The following RUFY1 variants were observed in gnomAD, a reference collection of about 807,000 sequenced individuals.
RUFY1 encodes the protein RUN and FYVE domain-containing protein 1.
A neutral mutation model predicts 94.6 loss-of-function variants in RUFY1; 54 were observed. That is an observed-to-expected ratio of 0.57 (90% CI 0.46 to 0.72). The LOEUF (loss-of-function observed/expected upper bound fraction) is 0.72. RUFY1 is among the 30% of genes least tolerant of loss of function. The pLI, the probability that RUFY1 is intolerant of heterozygous loss-of-function variation, is 0.00. For missense variants in RUFY1, 883 were observed against 883.9 expected (o/e 1.00, Z 0.01); for synonymous variants, 396 against 347.3 (o/e 1.14, Z -1.56).
In RUFY1 at chr5:179,593,483, G is replaced by A; in HGVS notation, c.1251G>A (p.Leu417=). 1 of 1,591,940 alleles carries A rather than the reference G, an allele frequency of 6.3e-7. No homozygotes were observed. Among genetic ancestry groups the A allele is most frequent in the Non-Finnish European group, 8.6e-7 (1 of 1,159,836 alleles). The change falls in exon 11 of 18, where the codon CTG becomes CTA. Residue 417 remains leucine, a synonymous_variant. Coordinates refer to ENST00000319449, the MANE Select transcript of RUFY1 (RefSeq NM_025158.5). Reference sequence around the variant, plus strand: ...CTTGTAAATATCCTTTTAAGGAACTGGAAAAAGAACTGGAGTTACAAATTG... The same window carrying A: ...CTTGTAAATATCCTTTTAAGGAACTAGAAAAAGAACTGGAGTTACAAATTG... ...LKEEKKVRLE[L]EKELELQIGM... is the part of the protein sequence containing the mutation.
intron 4 of RUFY1, chr5:179,569,099 C>G: frequency 2.0e-6 from 2 of 980,764 alleles, no homozygotes; most frequent in Non-Finnish European, 2.4e-6. Context: ...AGAGGCGAGC[C>G]CATTCTAAGC....
In RUFY1 at chr5:179,569,320, G is replaced by A; in HGVS notation, c.723G>A (p.Glu241=). ...KHLLSEFYEP[E]ALMMEEEGMV... Reference sequence around the variant, plus strand: ...CTTTCAGCGAGTTCTATGAGCCTGAGGCTTTAATGATGGAGGAAGAAGGGA... The same window carrying A: ...CTTTCAGCGAGTTCTATGAGCCTGAAGCTTTAATGATGGAGGAAGAAGGGA... Residue 241 remains glutamate (E), a synonymous_variant, in exon 5 of 18, where the codon GAG becomes GAA. Transcript: ENST00000319449. The A allele has an allele frequency of 6.2e-7, 1 of 1,613,908 alleles. No individual in the cohort carries two copies. The highest frequency in any genetic ancestry group is 8.5e-7 in the Non-Finnish European group (1 of 1,180,010).
rs959661121 is a variant in RUFY1, at chr5:179,580,341, C to G, written c.891-606C>G. Among the ~76,000 whole-genome samples the G allele has an allele frequency of 3.3e-5, 5 of 151,164 alleles. 1 individual carries two copies. Among genetic ancestry groups the G allele is most frequent in the Middle Eastern group, 3.4e-3 (1 of 292 alleles). On this transcript the variant is annotated intron_variant, in intron 6 of 17. Coordinates refer to ENST00000319449, the MANE Select transcript of RUFY1 (RefSeq NM_025158.5). Reference sequence around the variant, plus strand: ...CACTGCAAGCTCCGCCTCCCGGGTTCACGCCATTCTCCTGCCTCAGCCTCC... The same window carrying G: ...CACTGCAAGCTCCGCCTCCCGGGTTGACGCCATTCTCCTGCCTCAGCCTCC...
chr5:179,577,573 C>T (rs1344818058), intron 6 of RUFY1, among the ~76,000 whole-genome samples: 2 of 105,566 alleles, frequency 1.9e-5, no homozygotes, highest in African/African-American at 7.1e-5. Context: ...CGAGGCCGGG[C>T]GTGGTGGGGC....
intron 9 of RUFY1, 49 bp downstream of exon 9, chr5:179,589,696 C>T (rs1164512567): frequency 7.6e-7 from 1 of 1,317,690 alleles, no homozygotes; most frequent in Admixed American, 1.7e-5. Context: ...CTCAGACACA[C>T]CTATTGTCAA....
chr5:179,595,982 C>T (rs899493639), intron 12 of RUFY1: 15 of 155,880 alleles, frequency 9.6e-5, no homozygotes, highest in South Asian at 1.9e-4. Context: ...AGCTAAACGT[C>T]CTCTTACCAT....
chr5:179,550,759 G>T lies in RUFY1; in HGVS notation c.190G>T (p.Ala64Ser). 7.0e-7 allele frequency: 1 copy of T among 1,432,202 alleles called. No individual in the cohort carries two copies. Among genetic ancestry groups the T allele is most frequent in the Non-Finnish European group, 9.2e-7 (1 of 1,091,276 alleles). The allele number at this position is 1,432,202 out of a possible 1,614,324, so 88.7% of individuals were successfully genotyped here. ...TRPRAAEGWS[A>S]PILTLARRAT... ...GCCGCGGGCGGCCGAGGGCTGGTCGGCGCCCATCCTGACCCTGGCACGCAG... is the reference window on the plus strand; with the variant it reads ...GCCGCGGGCGGCCGAGGGCTGGTCGTCGCCCATCCTGACCCTGGCACGCAG... Residue 64 changes from alanine to serine, a missense_variant, in exon 1 of 18, where the codon GCG becomes TCG. Coordinates refer to ENST00000319449, the MANE Select transcript of RUFY1 (RefSeq NM_025158.5).
At chr5:179,559,794 G>C in intron 1 of RUFY1, 3 of 1,283,838 alleles carry the variant, frequency 2.3e-6, no homozygotes, top group Non-Finnish European at 3.0e-6. Flanking sequence ...CTCTGGAGCA[G>C]GAGGCCCAGT....
At chr5:179,583,964 G>C (rs868524676) in intron 7 of RUFY1, among the ~76,000 whole-genome samples, 1 of 151,536 alleles carries the variant, frequency 6.6e-6, no homozygotes, top group Non-Finnish European at 1.5e-5. Flanking sequence ...TAGCCAGGAT[G>C]GTCTCGATCT....
intron 7 of RUFY1, 132 bp from the exon 8 acceptor site, chr5:179,585,661 TCTC>T (rs951131548): frequency 1.4e-5 from 9 of 649,700 alleles, no homozygotes; most frequent in Middle Eastern, 4.2e-4. Context: ...ATTCTCATCT[TCTC>T]TGAGTTAATT....
chr5:179,575,029 C>T, intron 5 of RUFY1, among the ~76,000 whole-genome samples: 1 of 117,534 alleles, frequency 8.5e-6, no homozygotes, highest in African/African-American at 3.2e-5. Flanking sequence ...CCTCTTCTCA[C>T]CCCACCCCCC....
At chr5:179,606,172 T>G (rs1480984979) in intron 16 of RUFY1, 8 of 562,208 alleles carry the variant, frequency 1.4e-5, no homozygotes, top group Non-Finnish European at 2.5e-5. Context: ...GCTTTCAAAA[T>G]AGGCCTGATG....
In RUFY1 at chr5:179,550,581, G is replaced by A. The variant is rs1256096569; in HGVS notation, c.12G>A (p.Arg4=). 18 of 1,065,434 alleles carry A rather than the reference G, an allele frequency of 1.7e-5. No homozygotes were observed. The highest frequency in any genetic ancestry group is 4.3e-5 in the East Asian group (1 of 23,028). The allele number at this position is 1,065,434 out of a possible 1,614,324, so 66.0% of individuals were successfully genotyped here. A position where few individuals can be genotyped will look rare whatever the true frequency, so the allele number is the denominator to read the frequency against. The stretch of plus-strand genomic sequence containing the variant: ...ATGACACGGCCAAGATGGCCGACCG[G>A]GAAGGCGGCTGCGCTGCTGGGCGGG... MAD[R]EGGCAAGRGR... The change falls in exon 1 of 18, where the codon CGG becomes CGA. Residue 4 remains arginine (R), a synonymous_variant. Coordinates refer to ENST00000319449, the MANE Select transcript of RUFY1 (RefSeq NM_025158.5).
Position 179,577,084 on chromosome 5 carries a change from A to G in RUFY1, c.838A>G (p.Ile280Val), listed in dbSNP as rs1441734881. 2 of 1,594,828 alleles carry G rather than the reference A, an allele frequency of 1.3e-6. No individual in the cohort carries two copies. Among genetic ancestry groups the G allele is most frequent in the Admixed American group, 1.7e-5 (1 of 59,562 alleles). The part of the protein sequence containing the change: ...GEDLDSQVGV[I>V]DFSLYLKDVQ... Reference sequence around the variant, plus strand: ...ATTTTATTTCGTTTAGGTTGGAGTAATAGATTTTTCCCTCTACCTTAAGGA... The same window carrying G: ...ATTTTATTTCGTTTAGGTTGGAGTAGTAGATTTTTCCCTCTACCTTAAGGA... Residue 280 changes from isoleucine (I) to valine (V), a missense_variant, in exon 6 of 18, where the codon ATA becomes GTA. Physicochemically the swap from Ile to Val is conservative, Grantham distance 29. Coordinates refer to ENST00000319449, the MANE Select transcript of RUFY1 (RefSeq NM_025158.5).
chr5:179,597,890 T>C (rs1048191995), intron 13 of RUFY1, among the ~76,000 whole-genome samples: 4 of 152,094 alleles, frequency 2.6e-5, no homozygotes, highest in East Asian at 1.9e-4. Context: ...TGGCTGTAGG[T>C]TGTAGAAAGC....
chr5:179,589,608 A>G lies in RUFY1; in HGVS notation c.1089A>G (p.Gln363=). ...LQEEQQQLRE[Q]NELIRERSEK... ...AAGAACAGCAGCAGTTAAGAGAACAAAATGAATTAATTCGAGAAAGAAGTG... is the reference window on the plus strand; with the variant it reads ...AAGAACAGCAGCAGTTAAGAGAACAGAATGAATTAATTCGAGAAAGAAGTG... Residue 363 remains glutamine, a synonymous_variant, in exon 9 of 18, where the codon CAA becomes CAG. Coordinates refer to ENST00000319449, the MANE Select transcript of RUFY1 (RefSeq NM_025158.5). 6.2e-7 allele frequency: 1 copy of G among 1,614,180 alleles called. No homozygotes were observed. The highest frequency in any genetic ancestry group is 1.7e-5 in the Admixed American group (1 of 60,026).
chr5:179,569,068 G>A (rs1763035393), intron 4 of RUFY1: 1 of 985,286 alleles, frequency 1.0e-6, no homozygotes, highest in Non-Finnish European at 1.2e-6. Context: ...CTGCATGGAG[G>A]AGTTAACTTT....
intron 7 of RUFY1, among the ~76,000 whole-genome samples, chr5:179,581,668 G>A (rs145627441): frequency 6.6e-6 from 1 of 151,164 alleles, no homozygotes; most frequent in African/African-American, 2.4e-5. Flanking sequence ...ACATTGCTCT[G>A]GGGCTGTTTT....
chr5:179,581,279 C>T (rs1248511431), intron 7 of RUFY1, among the ~76,000 whole-genome samples: 1 of 152,140 alleles, frequency 6.6e-6, no homozygotes, highest in Non-Finnish European at 1.5e-5. Flanking sequence ...ATTCCTCGCC[C>T]CACAGCCACG....
Sources: gnomAD v4.1 joint callset for allele counts (sites outside exome capture counted in the v4.1 genomes callset) on GRCh38, gnomAD v4.1.1 for gene constraint, MANE v1.5 for transcripts, NCBI Gene and HGNC (gene_info 2026-07-23, HGNC 2026-07-21) for gene names.